The following ALK variants were observed in gnomAD, a reference collection of about 807,000 sequenced individuals.
The protein encoded by ALK is ALK receptor tyrosine kinase, also known as ALK tyrosine kinase receptor.
A neutral mutation model predicts 163.1 loss-of-function variants in ALK; 74 were observed. That is an observed-to-expected ratio of 0.45 (90% confidence interval 0.38 to 0.55). ALK has a LOEUF of 0.55. Ranked by LOEUF, ALK falls within the 20% of genes least tolerant of loss-of-function variation. ALK has a pLI of 0.00. For missense variants in ALK, 2,063 were observed against 2,105.3 expected, an observed-to-expected ratio of 0.98 and a Z score of 0.39; for synonymous variants, 960 against 843.2, an observed-to-expected ratio of 1.14 and a Z score of -2.40.
chr2:29,586,384 C>T (rs865959259), intron 3 of ALK, among the ~76,000 whole-genome samples: 4 of 152,066 alleles, frequency 2.6e-5, no homozygotes, highest in African/African-American at 9.7e-5. Context: ...ATCATCTCGA[C>T]AGATTTGTTC....
intron 4 of ALK, among the ~76,000 whole-genome samples, chr2:29,495,896 T>C (rs1164186677): frequency 1.3e-5 from 2 of 152,242 alleles, no homozygotes; most frequent in Admixed American, 6.5e-5. Flanking sequence ...GCAAGTCTAC[T>C]TGAGATGCTG....
intron 5 of ALK, among the ~76,000 whole-genome samples, chr2:29,341,432 AGCGAGAG>A (rs1016167895): frequency 6.6e-6 from 1 of 152,228 alleles, no homozygotes; most frequent in Non-Finnish European, 1.5e-5. Flanking sequence ...CACAGTGAGT[AGCGAGAG>A]GCTGGGAGAC....
rs534401160 is a variant in ALK at position 29,382,569 on chromosome 2, T to C, written c.1282+1163A>G. On this transcript the variant is annotated intron_variant, in intron 5 of 28. Transcript: ENST00000389048. ...GAATTGATACTTTCTCCCTGCCACA[T>C]TCTTGTTAACTGGTTCCATTTCAAC... 2.0e-5 allele frequency among the ~76,000 whole-genome samples: 3 copies of C among 152,318 alleles called. No individual in the cohort carries two copies. The South Asian group carries it at 6.2e-4, about 32-fold the overall frequency.
At chr2:29,466,308 A>G (rs1224814894) in intron 4 of ALK, among the ~76,000 whole-genome samples, 1 of 152,070 alleles carries the variant, frequency 6.6e-6, no homozygotes, top group African/African-American at 2.4e-5. Flanking sequence ...TTCTATGTCC[A>G]GAGTCATGGG....
chr2:29,465,343 A>G (rs1671184033), intron 4 of ALK, among the ~76,000 whole-genome samples: 1 of 152,218 alleles, frequency 6.6e-6, no homozygotes. Context: ...ACATCCTTTC[A>G]AAATGAAGAA....
At chr2:29,320,386 C>G (rs1382722321) in intron 7 of ALK, among the ~76,000 whole-genome samples, 1 of 152,144 alleles carries the variant, frequency 6.6e-6, no homozygotes, top group Non-Finnish European at 1.5e-5. Flanking sequence ...GCCTCAGTCT[C>G]CCCAGTCATA....
chr2:29,647,185 G>C (rs750655485), intron 3 of ALK, among the ~76,000 whole-genome samples: 8 of 152,094 alleles, frequency 5.3e-5, no homozygotes, highest in Non-Finnish European at 1.2e-4. Flanking sequence ...AATTCAATAC[G>C]GCAATGAACT....
chr2:29,624,246 C>T (rs17041287), intron 3 of ALK, among the ~76,000 whole-genome samples: 2,688 of 152,206 alleles, frequency 0.018, 76 homozygotes, highest in African/African-American at 0.06. Context: ...GCCAGTGTTG[C>T]ACCTATTTCT....
At chr2:29,380,461 C>T (rs1034354862) in intron 5 of ALK, among the ~76,000 whole-genome samples, 1 of 151,810 alleles carries the variant, frequency 6.6e-6, no homozygotes, top group Non-Finnish European at 1.5e-5. Context: ...TCTTGTTGCC[C>T]AGGCTGGAGT....
intron 9 of ALK, among the ~76,000 whole-genome samples, chr2:29,288,951 C>CAAAAAAAAAAAAAAAAAA (rs770578645): frequency 3.3e-4 from 8 of 24,170 alleles, no homozygotes; most frequent in Non-Finnish European, 1.1e-3. Context: ...GACTCCTTCT[C>CAAAAAAAAAAAAAAAAAA]AAAAAAATAA....
At chr2:29,808,859 G>A (rs1156625856) in intron 1 of ALK, among the ~76,000 whole-genome samples, 4 of 152,144 alleles carry the variant, frequency 2.6e-5, no homozygotes, top group Non-Finnish European at 4.4e-5. Context: ...TGTCTGCCAC[G>A]GCCCCAGTGA....
At chr2:29,569,543 TGA>T (rs1383676641) in intron 3 of ALK, among the ~76,000 whole-genome samples, 1 of 140,440 alleles carries the variant, frequency 7.1e-6, no homozygotes. Context: ...CCAGTAAATG[TGA>T]CTTTCTTTCC....
At chr2:29,656,450 C>T (rs1677187729) in intron 3 of ALK, among the ~76,000 whole-genome samples, 1 of 152,180 alleles carries the variant, frequency 6.6e-6, no homozygotes, top group African/African-American at 2.4e-5. Context: ...TTTCTTCCCA[C>T]AGGCAGGGGA....
At chr2:29,760,980 G>A (rs1274738781) in intron 1 of ALK, among the ~76,000 whole-genome samples, 1 of 152,162 alleles carries the variant, frequency 6.6e-6, no homozygotes, top group African/African-American at 2.4e-5. Context: ...GCCTGGGGCT[G>A]TAGACTTCTC....
intron 4 of ALK, among the ~76,000 whole-genome samples, chr2:29,504,732 G>T (rs1202050806): frequency 6.6e-6 from 1 of 152,142 alleles, no homozygotes; most frequent in African/African-American, 2.4e-5. Context: ...AGCAAGGCTG[G>T]ACTTGATCCC....
chr2:29,880,254 T>C (rs569886539), intron 1 of ALK, among the ~76,000 whole-genome samples: 20 of 152,270 alleles, frequency 1.3e-4, no homozygotes, highest in African/African-American at 4.8e-4. Flanking sequence ...TCAGCTTCTA[T>C]CTTGATTGGG....
intron 5 of ALK, among the ~76,000 whole-genome samples, chr2:29,354,322 G>T (rs928765521): frequency 6.6e-6 from 1 of 152,126 alleles, no homozygotes; most frequent in Admixed American, 6.5e-5. Context: ...TTCACAAGCT[G>T]GCCAACAACC....
At chr2:29,513,930 C>T (rs1044062045) in intron 4 of ALK, among the ~76,000 whole-genome samples, 4 of 132,348 alleles carry the variant, frequency 3.0e-5, no homozygotes, top group African/African-American at 8.7e-5. Flanking sequence ...CAGAGAAATG[C>T]AAATCAAAAC....
chr2:29,202,820 ATTTTTGTTTTTG>A, intron 26 of ALK, among the ~76,000 whole-genome samples: 1 of 151,952 alleles, frequency 6.6e-6, no homozygotes, highest in East Asian at 1.9e-4. Context: ...TTTTGTTTTT[ATTTTTGTTTTTG>A]TTTTGCTTTT....
Sources: allele counts gnomAD v4.1 joint callset (sites outside exome capture counted in the v4.1 genomes callset), GRCh38; gene constraint gnomAD v4.1.1; transcripts MANE v1.5; gene names NCBI Gene and HGNC (gene_info 2026-07-23, HGNC 2026-07-21).